The following ANKS1B variants were observed in gnomAD, a reference collection of about 807,000 sequenced individuals.
ANKS1B encodes ankyrin repeat and sterile alpha motif domain-containing protein 1B.
In ANKS1B, 36 loss-of-function variants were observed where a neutral mutation model predicts 148.3. That is an observed-to-expected ratio of 0.24 (90% CI 0.19 to 0.32). The LOEUF is 0.32. Ranked by LOEUF, ANKS1B falls within the 10% of genes least tolerant of loss-of-function variation. ANKS1B has a pLI of 1.00. For missense variants in ANKS1B, 1,157 were observed against 1,542.6 expected, an observed-to-expected ratio of 0.75 and a Z score of 4.19; for synonymous variants, 542 against 560.8, an observed-to-expected ratio of 0.97 and a Z score of 0.47.
intron 9 of ANKS1B, among the ~76,000 whole-genome samples, chr12:99,511,412 A>C (rs2096764582): frequency 6.6e-6 from 1 of 152,060 alleles, no homozygotes; most frequent in South Asian, 2.1e-4. Context: ...AGGAAATCAG[A>C]GATGACACAA....
At chr12:98,859,193 T>C (rs1014141851) in intron 17 of ANKS1B, among the ~76,000 whole-genome samples, 3 of 152,184 alleles carry the variant, frequency 2.0e-5, no homozygotes, top group East Asian at 1.9e-4. Context: ...CAGCTAAGAA[T>C]AGGCAGCAAT....
chr12:99,655,975 G>A (rs73143648), intron 8 of ANKS1B, among the ~76,000 whole-genome samples: 17,156 of 152,090 alleles, frequency 0.11, 1,304 homozygotes, highest in Non-Finnish European at 0.17. Context: ...GTAAGTGTAG[G>A]TGGGGCAGAA....
At chr12:99,887,612 G>A (rs1324855697) in intron 1 of ANKS1B, among the ~76,000 whole-genome samples, 2 of 152,122 alleles carry the variant, frequency 1.3e-5, no homozygotes, top group Non-Finnish European at 2.9e-5. Flanking sequence ...TGACTTTGCA[G>A]AAGATTATTG....
chr12:99,214,182 T>G (rs1055080011), intron 14 of ANKS1B, among the ~76,000 whole-genome samples: 1 of 152,188 alleles, frequency 6.6e-6, no homozygotes. Context: ...GATATAAAAA[T>G]TCTAGCTTAT....
At chr12:99,624,976 T>C (rs1186653575) in intron 9 of ANKS1B, among the ~76,000 whole-genome samples, 1 of 151,908 alleles carries the variant, frequency 6.6e-6, no homozygotes, top group Admixed American at 6.6e-5. Context: ...TTCACAACAC[T>C]GAAAACATGG....
At chr12:98,747,703 C>A (rs992059724) in intron 26 of ANKS1B, among the ~76,000 whole-genome samples, 2 of 152,190 alleles carry the variant, frequency 1.3e-5, no homozygotes, top group Non-Finnish European at 2.9e-5. Context: ...TGGAATCAAA[C>A]TAAGTGTCCA....
At chr12:99,664,154 C>CT (rs58457230) in intron 8 of ANKS1B, among the ~76,000 whole-genome samples, 95 of 147,178 alleles carry the variant, frequency 6.5e-4, no homozygotes, top group East Asian at 1.8e-3. Context: ...AAAGTTTAAA[C>CT]TTTTTTTTTT....
At chr12:98,816,309 T>C (rs1178728371) in intron 19 of ANKS1B, among the ~76,000 whole-genome samples, 1 of 152,196 alleles carries the variant, frequency 6.6e-6, no homozygotes, top group Non-Finnish European at 1.5e-5. Context: ...TTTATTTGTT[T>C]GTTTTTGAGA....
At chr12:99,224,620 C>T (rs1229886438) in intron 14 of ANKS1B, among the ~76,000 whole-genome samples, 2 of 152,130 alleles carry the variant, frequency 1.3e-5, no homozygotes, top group Non-Finnish European at 2.9e-5. Flanking sequence ...CGCTATACTT[C>T]CTATAAAGCC....
chr12:98,793,489 G>A (rs1593858954), intron 22 of ANKS1B, among the ~76,000 whole-genome samples: 1 of 152,136 alleles, frequency 6.6e-6, no homozygotes, highest in Middle Eastern at 3.4e-3. Context: ...TAGACACATG[G>A]GATTACATCA....
At chr12:99,917,962 T>C (rs895916131) in intron 1 of ANKS1B, among the ~76,000 whole-genome samples, 7 of 152,240 alleles carry the variant, frequency 4.6e-5, no homozygotes, top group African/African-American at 1.7e-4. Context: ...TAGATTCTCA[T>C]AGGAGGTGAA....
intron 1 of ANKS1B, among the ~76,000 whole-genome samples, chr12:99,982,017 T>C (rs1216983460): frequency 6.6e-6 from 1 of 152,166 alleles, no homozygotes; most frequent in Non-Finnish European, 1.5e-5. Flanking sequence ...TGCAAATGAT[T>C]GCCCAAAGAA....
At chr12:99,717,967 G>A (rs1220490220) in intron 8 of ANKS1B, among the ~76,000 whole-genome samples, 2 of 145,318 alleles carry the variant, frequency 1.4e-5, no homozygotes, top group Non-Finnish European at 1.5e-5. Flanking sequence ...GCAGTGGCGC[G>A]ATCTCGGCTC....
At chr12:98,753,345 G>A (rs930610314) in intron 25 of ANKS1B, among the ~76,000 whole-genome samples, 3 of 152,226 alleles carry the variant, frequency 2.0e-5, no homozygotes, top group Admixed American at 2.0e-4. Context: ...GAGCATCAGA[G>A]AAGCAGATGC....
chr12:99,168,081 A>C (rs2077365200), intron 14 of ANKS1B, among the ~76,000 whole-genome samples: 1 of 152,220 alleles, frequency 6.6e-6, no homozygotes, highest in Non-Finnish European at 1.5e-5. Context: ...GCAAAAGGAA[A>C]CTTTTGGGGC....
chr12:99,210,792 G>A (rs977502397), intron 14 of ANKS1B, among the ~76,000 whole-genome samples: 1 of 152,150 alleles, frequency 6.6e-6, no homozygotes, highest in African/African-American at 2.4e-5. Context: ...CCTGGCTAAG[G>A]TGCATACTCC....
intron 1 of ANKS1B, among the ~76,000 whole-genome samples, chr12:99,830,447 A>G (rs2083789758): frequency 1.3e-5 from 2 of 151,980 alleles, no homozygotes; most frequent in Non-Finnish European, 2.9e-5. Flanking sequence ...ATTTAGAAGA[A>G]TTTACGGGAA....
chr12:98,841,664 C>T (rs995780762), intron 17 of ANKS1B, among the ~76,000 whole-genome samples: 4 of 151,558 alleles, frequency 2.6e-5, no homozygotes, highest in Admixed American at 6.6e-5. Flanking sequence ...ATTTCAGCTA[C>T]GTATGGAGGC....
At chr12:98,736,702 C>T (rs1357207080) in intron 9 of ANKS1B, among the ~76,000 whole-genome samples, 1 of 152,112 alleles carries the variant, frequency 6.6e-6, no homozygotes, top group Non-Finnish European at 1.5e-5. Flanking sequence ...GTCTGGAGAT[C>T]AGTGGGATGA....
Sources: gnomAD v4.1 joint callset for allele counts (sites outside exome capture counted in the v4.1 genomes callset) on GRCh38, gnomAD v4.1.1 for gene constraint, MANE v1.5 for transcripts, NCBI Gene and HGNC (gene_info 2026-07-23, HGNC 2026-07-21) for gene names.